SOX5: variants seen among roughly 807,000 people sequenced by gnomAD.
SOX5 encodes SRY-box transcription factor 5.
In SOX5, 9 loss-of-function variants were observed where a neutral mutation model predicts 92.0. The ratio of observed to expected loss-of-function variants is 0.10; its 90% CI spans 0.06 to 0.17. The LOEUF (loss-of-function observed/expected upper bound fraction) is 0.17, where lower values mean the gene tolerates loss of function less well. Ranked by LOEUF, SOX5 falls within the 10% of genes least tolerant of loss-of-function variation. The probability of loss-of-function intolerance (pLI) is 1.00; values close to 1 mark genes in which losing one functional copy is unlikely to be tolerated. For missense variants in SOX5, 642 were observed against 944.5 expected, an observed-to-expected ratio of 0.68 and a Z score of 4.20; for synonymous variants, 344 against 336.3, an observed-to-expected ratio of 1.02 and a Z score of -0.25.
At position 24,179,215 on chromosome 12, in the gene SOX5, G is replaced by A. The variant is rs542471803; in HGVS notation, c.-2+34128C>T. 5.3e-5 allele frequency among the ~76,000 whole-genome samples: 8 copies of A among 152,186 alleles called. No individual in the cohort carries two copies. In the East Asian group the frequency reaches 1.2e-3, roughly 22 times the overall value. ...CGAACAGTATCTAGAAAACCAAAAC[G>A]CAAAAGAACCAAAGGAGAAGAATCA... On this transcript the variant is annotated intron_variant, in intron 4 of 4. Transcript: ENST00000446891.
At chr12:23,907,746 C>CAA (rs11359160) in intron 1 of SOX5, among the ~76,000 whole-genome samples, 3 of 142,938 alleles carry the variant, frequency 2.1e-5, no homozygotes, top group African/African-American at 7.7e-5. Flanking sequence ...GGTGCATAAG[C>CAA]AAAAAAAAAA....
intron 2 of SOX5, among the ~76,000 whole-genome samples, chr12:23,849,067 ATAT>A (rs1238997173): frequency 6.6e-6 from 1 of 152,230 alleles, no homozygotes; most frequent in African/African-American, 2.4e-5. Flanking sequence ...GTCGAAAGAA[ATAT>A]TATTTCAACC....
intron 4 of SOX5, among the ~76,000 whole-genome samples, chr12:24,163,147 C>CT: frequency 6.6e-6 from 1 of 152,182 alleles, no homozygotes; most frequent in South Asian, 2.1e-4. Context: ...TCCTGGAAGG[C>CT]TTTTTAAATA....
intron 1 of SOX5, among the ~76,000 whole-genome samples, chr12:24,492,601 A>T (rs925987542): frequency 3.9e-5 from 6 of 152,224 alleles, no homozygotes; most frequent in African/African-American, 1.4e-4. Flanking sequence ...AAGTATTAAT[A>T]GAAACAGAGA....
At chr12:23,553,943 G>GTTA (rs1286241029) in intron 11 of SOX5, among the ~76,000 whole-genome samples, 1 of 152,048 alleles carries the variant, frequency 6.6e-6, no homozygotes, top group Admixed American at 6.6e-5. Context: ...GTAGCCAGTA[G>GTTA]TTACTTCAGT....
chr12:24,165,712 T>A (rs1160515133), intron 4 of SOX5, among the ~76,000 whole-genome samples: 2 of 152,060 alleles, frequency 1.3e-5, no homozygotes, highest in African/African-American at 4.8e-5. Context: ...TAGGTTGATA[T>A]GGCTGGAGTT....
At chr12:24,197,866 T>C (rs1359472884) in intron 4 of SOX5, among the ~76,000 whole-genome samples, 1 of 152,190 alleles carries the variant, frequency 6.6e-6, no homozygotes, top group Non-Finnish European at 1.5e-5. Flanking sequence ...AATTGCTAAG[T>C]GATAGGGACT....
chr12:23,686,782 T>C (rs77369679), intron 6 of SOX5, among the ~76,000 whole-genome samples: 2,145 of 152,128 alleles, frequency 0.014, 47 homozygotes, highest in African/African-American at 0.049. Context: ...AAAGTTATTA[T>C]TGATATAGGA....
chr12:24,293,078 TATA>T lies in SOX5; in HGVS notation c.-173-15769_-173-15767del, dbSNP rs1413314786. 4.6e-5 allele frequency among the ~76,000 whole-genome samples: 7 copies of T among 152,320 alleles called. No individual in the cohort carries two copies. In the East Asian group the frequency reaches 1.3e-3, roughly 29 times the overall value. ...CTGACATCACATGTAGTCACTATAC[TATA>T]ATAACAAGAGACTGCAGATGATATC... On this transcript the variant is annotated intron_variant, in intron 2 of 4. Coordinates refer to the SOX5 transcript ENST00000446891.
At chr12:23,760,827 G>A (rs2094543505) in intron 3 of SOX5, among the ~76,000 whole-genome samples, 1 of 152,140 alleles carries the variant, frequency 6.6e-6, no homozygotes, top group Non-Finnish European at 1.5e-5. Flanking sequence ...ATTTGCTCCA[G>A]TGCAGTAGCT....
At chr12:23,761,402 G>C (rs912368379) in intron 3 of SOX5, among the ~76,000 whole-genome samples, 1 of 152,068 alleles carries the variant, frequency 6.6e-6, no homozygotes, top group Non-Finnish European at 1.5e-5. Context: ...GTACTAACAG[G>C]TTGGTAATTT....
chr12:24,112,385 G>T (rs889708395), intron 4 of SOX5, among the ~76,000 whole-genome samples: 1 of 152,032 alleles, frequency 6.6e-6, no homozygotes, highest in Non-Finnish European at 1.5e-5. Flanking sequence ...AACAGAAATG[G>T]TCTAGCCCTC....
In SOX5 at chr12:24,190,055, A is replaced by T. The variant is rs190358916; in HGVS notation, c.-2+23288T>A. Among the ~76,000 whole-genome samples, 41 of 152,368 alleles carry T rather than the reference A, an allele frequency of 2.7e-4. No individual in the cohort carries two copies. The East Asian group carries it at 6.9e-3, about 26-fold the overall frequency. ...TGTAGACAATGAGAAAAATAAAAAA[A>T]GTTTCATGTATTATTCACTGTCCCA... On this transcript the variant is annotated intron_variant, in intron 4 of 4. Transcript: ENST00000446891.
chr12:24,133,401 G>A (rs1393140367), intron 4 of SOX5, among the ~76,000 whole-genome samples: 2 of 152,192 alleles, frequency 1.3e-5, no homozygotes, highest in Non-Finnish European at 2.9e-5. Flanking sequence ...GAAAGATAAA[G>A]AAGAGATGAC....
At chr12:23,909,212 A>T (rs1214557285) in intron 1 of SOX5, among the ~76,000 whole-genome samples, 1 of 152,198 alleles carries the variant, frequency 6.6e-6, no homozygotes, top group African/African-American at 2.4e-5. Context: ...TCATACTTTA[A>T]AAGTACGTCA....
At chr12:24,445,955 C>G (rs916718217) in intron 1 of SOX5, among the ~76,000 whole-genome samples, 1 of 152,090 alleles carries the variant, frequency 6.6e-6, no homozygotes, top group Non-Finnish European at 1.5e-5. Flanking sequence ...CTGTAAAAGA[C>G]AATAGCATGA....
intron 4 of SOX5, among the ~76,000 whole-genome samples, chr12:24,022,629 A>G (rs557465797): frequency 4.6e-5 from 7 of 152,230 alleles, no homozygotes. Flanking sequence ...TCCACACTAG[A>G]GTGGCACCTT....
chr12:24,290,106 G>A (rs1251043495), intron 2 of SOX5, among the ~76,000 whole-genome samples: 1 of 152,128 alleles, frequency 6.6e-6, no homozygotes, highest in African/African-American at 2.4e-5. Flanking sequence ...AACTATGCAG[G>A]CTGCTGTATT....
intron 4 of SOX5, among the ~76,000 whole-genome samples, chr12:24,021,822 C>T (rs539715462): frequency 6.6e-6 from 1 of 152,270 alleles, no homozygotes; most frequent in South Asian, 2.1e-4. Flanking sequence ...CAGCCTCTGC[C>T]TTCTTCAAGG....
Sources: gnomAD v4.1 joint callset for allele counts (sites outside exome capture counted in the v4.1 genomes callset) on GRCh38, gnomAD v4.1.1 for gene constraint, MANE v1.5 for transcripts, NCBI Gene and HGNC (gene_info 2026-07-23, HGNC 2026-07-21) for gene names.